MS4A4E: variants seen among roughly 807,000 people sequenced by gnomAD.
The protein encoded by MS4A4E is membrane spanning 4-domains A4E.
MS4A4E carries 23 observed loss-of-function variants against 13.3 expected under a neutral mutation model. That is an observed-to-expected ratio of 1.73 (90% CI 1.25 to 2.45). MS4A4E has a LOEUF of 2.45. Among genes scored for constraint, MS4A4E ranks in the 30% most tolerant of loss-of-function variants. The pLI, the probability that MS4A4E is intolerant of heterozygous loss-of-function variation, is 0.00. For missense variants in MS4A4E, 144 were observed against 131.2 expected, an observed-to-expected ratio of 1.10 and a Z score of -0.48; for synonymous variants, 36 against 45.6, an observed-to-expected ratio of 0.79 and a Z score of 0.85.
chr11:60,228,022 A>G (rs745812958), intron 3 of MS4A4E, among the ~76,000 whole-genome samples: 3 of 152,194 alleles, frequency 2.0e-5, no homozygotes, highest in Non-Finnish European at 4.4e-5. Context: ...CAAAATCTAG[A>G]TGACCTTGGT....
chr11:60,238,399 G>C (rs2084510269), intron 1 of MS4A4E, among the ~76,000 whole-genome samples: 2 of 151,768 alleles, frequency 1.3e-5, no homozygotes, highest in Admixed American at 6.6e-5. Context: ...TCTTCAGTCA[G>C]TTTTAGTAGT....
At position 60,208,633 on chromosome 11, in the gene MS4A4E, G is replaced by T. The variant is rs2084079191; in HGVS notation, c.443C>A (p.Ser148Tyr). 4 of 1,479,218 alleles carry T rather than the reference G, an allele frequency of 2.7e-6. No homozygotes were observed. In the African/African-American group the frequency reaches 5.5e-5, roughly 20 times the overall value. 91.6% of individuals were successfully genotyped at this position (1,479,218 alleles called of 1,614,324 possible). ...ACAAAGCACTTTACATCCAAAGGCA[G>T]AGAGGGCCACAGCAATGCAGAATTC... is the stretch of plus-strand genomic sequence containing the variant. Reference protein sequence around the residue: ...VLEFCIAVALSAFGCKVLCCS... With the variant: ...VLEFCIAVALYAFGCKVLCCS... The change falls in exon 6 of 9, where the codon TCT becomes TAT. Residue 148 changes from serine (S) to tyrosine (Y), a missense_variant. Ser to Tyr is a moderately radical substitution (Grantham distance 144, BLOSUM62 -2). Around this residue, in one of 3 missense-constraint regions of MS4A4E, gnomAD observed 21 missense variants for 25.1 expected, o/e 0.84. Transcript: ENST00000651255.
intron 2 of MS4A4E, 102 bp downstream of exon 2, chr11:60,229,810 G>T: frequency 8.6e-7 from 1 of 1,160,688 alleles, no homozygotes; most frequent in Non-Finnish European, 1.2e-6. Context: ...AGGGCTGGTT[G>T]ATGTATTATG....
chr11:60,204,221 A>C (rs1191060839), intron 8 of MS4A4E, among the ~76,000 whole-genome samples: 2 of 152,226 alleles, frequency 1.3e-5, no homozygotes, highest in Admixed American at 1.3e-4. Flanking sequence ...TTTTATTATG[A>C]GTTAGAGAGG....
intron 3 of MS4A4E, among the ~76,000 whole-genome samples, chr11:60,225,798 G>A (rs997195552): frequency 6.6e-6 from 1 of 151,514 alleles, no homozygotes; most frequent in African/African-American, 2.4e-5. Flanking sequence ...AAAAGTAATA[G>A]AAATTAGAGC....
chr11:60,202,563 A>G (rs1487584361), intron 8 of MS4A4E, among the ~76,000 whole-genome samples: 1 of 152,120 alleles, frequency 6.6e-6, no homozygotes, highest in Admixed American at 6.5e-5. Context: ...ACTGAGAGCT[A>G]TTACCCAAAC....
chr11:60,227,776 A>G (rs2084362658), intron 3 of MS4A4E, among the ~76,000 whole-genome samples: 1 of 152,154 alleles, frequency 6.6e-6, no homozygotes, highest in African/African-American at 2.4e-5. Context: ...ATAGAATAGA[A>G]AGCCTAGAAA....
intron 3 of MS4A4E, among the ~76,000 whole-genome samples, chr11:60,219,447 G>A (rs953758751): frequency 8.6e-5 from 13 of 151,902 alleles, no homozygotes; most frequent in South Asian, 6.2e-4. Context: ...TAATTACAGC[G>A]TTCCTAGAAG....
At chr11:60,237,757 A>C (rs1471044859) in intron 1 of MS4A4E, among the ~76,000 whole-genome samples, 1 of 152,006 alleles carries the variant, frequency 6.6e-6, no homozygotes, top group Non-Finnish European at 1.5e-5. Context: ...TCTTATTTTG[A>C]AGTGTCTGTT....
intron 3 of MS4A4E, among the ~76,000 whole-genome samples, chr11:60,220,474 A>G (rs1440410612): frequency 1.3e-5 from 2 of 152,176 alleles, no homozygotes; most frequent in Admixed American, 1.3e-4. Flanking sequence ...TCAGGGGTAT[A>G]TCAACTCTTC....
At chr11:60,230,403 G>A (rs1361225236) in intron 1 of MS4A4E, among the ~76,000 whole-genome samples, 2 of 152,128 alleles carry the variant, frequency 1.3e-5, no homozygotes, top group Non-Finnish European at 2.9e-5. Flanking sequence ...CTAGTCTCTT[G>A]ATTACAGCCA....
At chr11:60,228,558 C>T (rs1341343797) in intron 3 of MS4A4E, 36 bp downstream of exon 3, 6 of 646,578 alleles carry the variant, frequency 9.3e-6, no homozygotes, top group African/African-American at 1.8e-5. Flanking sequence ...CAAAACTAAA[C>T]ATACTCTTAC....
At chr11:60,220,742 C>T (rs1434612899) in intron 3 of MS4A4E, among the ~76,000 whole-genome samples, 2 of 152,140 alleles carry the variant, frequency 1.3e-5, no homozygotes, top group African/African-American at 4.8e-5. Context: ...GATGTTCCTT[C>T]TAAGGTGAAG....
intron 8 of MS4A4E, among the ~76,000 whole-genome samples, chr11:60,203,056 T>C (rs2084004300): frequency 6.6e-6 from 1 of 152,222 alleles, no homozygotes; most frequent in African/African-American, 2.4e-5. Flanking sequence ...ATTACTCTTA[T>C]ACTTAGTACA....
At chr11:60,225,726 G>C (rs1246642566) in intron 3 of MS4A4E, among the ~76,000 whole-genome samples, 1 of 151,856 alleles carries the variant, frequency 6.6e-6, no homozygotes, top group African/African-American at 2.4e-5. Flanking sequence ...AATCACCTGA[G>C]AGTCTACCTT....
intron 1 of MS4A4E, among the ~76,000 whole-genome samples, chr11:60,232,897 G>C (rs1262864911): frequency 1.3e-5 from 2 of 152,108 alleles, no homozygotes; most frequent in Admixed American, 6.5e-5. Context: ...CCATGGAACT[G>C]CTCCATGCCC....
intron 3 of MS4A4E, among the ~76,000 whole-genome samples, chr11:60,218,350 A>T (rs1590714158): frequency 6.6e-6 from 1 of 152,150 alleles, no homozygotes. Context: ...TTGCCTTGTG[A>T]TATTCTATTA....
chr11:60,205,809 T>C lies in MS4A4E; in HGVS notation c.495A>G (p.Lys165=), dbSNP rs1311093765. Among the ~76,000 whole-genome samples, 1 of 152,250 alleles carries C rather than the reference T, an allele frequency of 6.6e-6. No individual in the cohort carries two copies. The highest frequency in any genetic ancestry group is 1.5e-5 in the Non-Finnish European group (1 of 68,046). ...AGCACATGAAAGTATTGCTTCTAAT[T>C]TTATTTTTGCTCTGCAATAAAAAAG... ...LCCSPSESKN[K]IRSNTFMCYL... is the part of the protein sequence containing the mutation. The change falls in exon 7 of 9, where the codon AAA becomes AAG. Residue 165 remains lysine, a synonymous_variant. Coordinates refer to ENST00000651255, the MANE Select transcript of MS4A4E (RefSeq NM_001393391.1).
At chr11:60,212,047 C>G (rs533820808) in intron 5 of MS4A4E, among the ~76,000 whole-genome samples, 2 of 152,236 alleles carry the variant, frequency 1.3e-5, no homozygotes, top group East Asian at 1.9e-4. Flanking sequence ...ACATCAAGAA[C>G]TTTTATTACT....
Sources: gnomAD v4.1 joint callset for allele counts (sites outside exome capture counted in the v4.1 genomes callset) on GRCh38, gnomAD v4.1.1 for gene constraint, gnomAD v4.1.1 regional missense constraint, MANE v1.5 for transcripts, NCBI Gene and HGNC (gene_info 2026-07-23, HGNC 2026-07-21) for gene names.